TLE4: variants seen among roughly 807,000 people sequenced by gnomAD.
TLE4 encodes the protein TLE family member 4, transcriptional corepressor.
Under a neutral mutation model 92.8 loss-of-function variants are expected in TLE4, and 8 were observed. That is an observed-to-expected ratio of 0.09 (90% CI 0.05 to 0.16). The LOEUF is 0.16. TLE4 is among the 10% of genes least tolerant of loss of function. The pLI is 1.00. For missense variants in TLE4, 675 were observed against 997.6 expected (o/e 0.68, Z 4.36); for synonymous variants, 371 against 374.1 (o/e 0.99, Z 0.10).
At chr9:79,627,096 T>A (rs1176968526) in intron 5 of TLE4, among the ~76,000 whole-genome samples, 1 of 152,142 alleles carries the variant, frequency 6.6e-6, no homozygotes, top group Non-Finnish European at 1.5e-5. Flanking sequence ...AAGTGTACCA[T>A]AACTTTTAAG....
chr9:79,700,890 G>C (rs909138783), intron 8 of TLE4, among the ~76,000 whole-genome samples: 1 of 152,052 alleles, frequency 6.6e-6, no homozygotes, highest in South Asian at 2.1e-4. Context: ...TAGTGAGAAA[G>C]ACTTGTGTTT....
intron 4 of TLE4, among the ~76,000 whole-genome samples, chr9:79,582,207 A>C (rs1439189755): frequency 2.0e-5 from 3 of 152,186 alleles, no homozygotes; most frequent in African/African-American, 4.8e-5. Context: ...GCAGGAAATC[A>C]CACAACTCAG....
At chr9:79,722,722 A>G (rs1325921676) in intron 18 of TLE4, 121 bp downstream of exon 18, 1 of 1,225,804 alleles carries the variant, frequency 8.2e-7, no homozygotes, top group East Asian at 2.4e-5. Flanking sequence ...GAATTCTATT[A>G]CTTCCTGATA....
chr9:79,668,093 C>G lies in TLE4; in HGVS notation c.609+14018C>G, dbSNP rs111399590. On this transcript the variant is annotated intron_variant, in intron 8 of 19. Coordinates refer to ENST00000376552, the MANE Select transcript of TLE4 (RefSeq NM_007005.6). Reference sequence around the variant, plus strand: ...AAGCAACAAAGGAGAACAGCGTTTCCTCCTACAGAGGGTATACAGTGGTGG... The same window carrying G: ...AAGCAACAAAGGAGAACAGCGTTTCGTCCTACAGAGGGTATACAGTGGTGG... Among the ~76,000 whole-genome samples the G allele has an allele frequency of 1.5e-3, 227 of 152,356 alleles. 1 individual carries two copies. Among genetic ancestry groups the G allele is most frequent in the African/African-American group, 4.1e-3 (171 of 41,588 alleles).
At chr9:79,714,019 C>T (rs2136104214) in intron 14 of TLE4, among the ~76,000 whole-genome samples, 1 of 152,072 alleles carries the variant, frequency 6.6e-6, no homozygotes, top group South Asian at 2.1e-4. Flanking sequence ...ACATGCGCCA[C>T]CACACCTGGC....
Position 79,654,062 on chromosome 9 carries a change from G to A in TLE4, c.596G>A (p.Arg199Lys). The change falls in exon 8 of 20, where the codon AGA (arginine) becomes AAA (lysine). Residue 199 changes from arginine (R) to lysine (K), a missense_variant. Transcript: ENST00000376552. Reference sequence around the variant, plus strand: ...GTTGCTGCTGTTTTGCATATAGACAGAGACTCCATCAAGGTAGGACTCAAA... The same window carrying A: ...GTTGCTGCTGTTTTGCATATAGACAAAGACTCCATCAAGGTAGGACTCAAA... Reference protein sequence around the residue: ...KHHDNDHQRDRDSIKSSSVSP... With the variant: ...KHHDNDHQRDKDSIKSSSVSP... 1 of 1,613,750 alleles carries A rather than the reference G, an allele frequency of 6.2e-7. No homozygotes were observed.
chr9:79,575,864 T>TG, intron 3 of TLE4: 1 of 295,800 alleles, frequency 3.4e-6, no homozygotes, highest in East Asian at 5.0e-5. Context: ...TTGATGCATC[T>TG]GCTTGGGATG....
chr9:79,721,686 A>C, intron 16 of TLE4, 55 bp from the exon 17 acceptor site: 1 of 1,609,974 alleles, frequency 6.2e-7, no homozygotes, highest in Non-Finnish European at 8.5e-7. Flanking sequence ...TTCTAAATTG[A>C]TTTTAACTAA....
chr9:79,693,383 A>G (rs1330084951), intron 8 of TLE4, among the ~76,000 whole-genome samples: 2 of 152,164 alleles, frequency 1.3e-5, no homozygotes, highest in African/African-American at 2.4e-5. Flanking sequence ...GAGGAAGGTC[A>G]GTGGGTATCT....
intron 6 of TLE4, among the ~76,000 whole-genome samples, chr9:79,644,159 T>A (rs1405621344): frequency 6.6e-6 from 1 of 152,146 alleles, no homozygotes; most frequent in East Asian, 1.9e-4. Flanking sequence ...ATTCTTGTGA[T>A]ACTAAGTTCT....
At chr9:79,654,230 A>ATT (rs35639126) in intron 8 of TLE4, among the ~76,000 whole-genome samples, 155 bp downstream of exon 8, 236 of 131,240 alleles carry the variant, frequency 1.8e-3, no homozygotes, top group African/African-American at 5.0e-3. Flanking sequence ...TGTGTGGTTG[A>ATT]TTTTTTTTTT....
chr9:79,724,119 C>T (rs1231952899), intron 19 of TLE4, among the ~76,000 whole-genome samples: 4 of 151,572 alleles, frequency 2.6e-5, no homozygotes, highest in African/African-American at 9.7e-5. Context: ...ATTTGTGTCA[C>T]ATTTTTACAG....
chr9:79,615,514 G>A (rs1358303724), intron 5 of TLE4, among the ~76,000 whole-genome samples: 1 of 152,158 alleles, frequency 6.6e-6, no homozygotes, highest in Non-Finnish European at 1.5e-5. Context: ...GCTTTTTGGA[G>A]TTTGACAGGA....
chr9:79,655,195 C>T (rs1174751778), intron 8 of TLE4, among the ~76,000 whole-genome samples: 8 of 152,106 alleles, frequency 5.3e-5, no homozygotes, highest in African/African-American at 1.2e-4. Flanking sequence ...TTGTATTATG[C>T]GTAATTGTAT....
chr9:79,708,445 T>A, intron 12 of TLE4, 148 bp from the exon 13 acceptor site: 8 of 1,065,502 alleles, frequency 7.5e-6, no homozygotes, highest in Non-Finnish European at 1.1e-5. Context: ...ACAAAGTGAA[T>A]GAGTGAATTC....
At position 79,593,276 on chromosome 9, in the gene TLE4, G is replaced by T. The variant is rs373267129; in HGVS notation, c.252+17099G>T. 1.2e-4 allele frequency among the ~76,000 whole-genome samples: 19 copies of T among 152,092 alleles called. No individual in the cohort carries two copies. In the South Asian group the frequency reaches 3.1e-3, roughly 25 times the overall value. On this transcript the variant is annotated intron_variant, in intron 4 of 19. Transcript: ENST00000376552. ...TCTGTTTCAACTGTCAGAAACATAC[G>T]TTGCTTTATGGGATGTTTTTTTCAA...
intron 4 of TLE4, among the ~76,000 whole-genome samples, chr9:79,603,077 C>T (rs1039527386): frequency 1.1e-4 from 17 of 152,124 alleles, no homozygotes; most frequent in African/African-American, 4.1e-4. Context: ...TGAGGAGTTG[C>T]TGCTTATGGA....
chr9:79,718,716 C>T lies in TLE4; in HGVS notation c.1341-6C>T, dbSNP rs577644147. 5 of 1,610,166 alleles carry T rather than the reference C, an allele frequency of 3.1e-6. No homozygotes were observed. Among genetic ancestry groups the T allele is most frequent in the Middle Eastern group, 1.6e-4 (1 of 6,074 alleles). On this transcript the variant is annotated splice_region_variant and splice_polypyrimidine_tract_variant and intron_variant, in intron 14 of 19. Coordinates refer to ENST00000376552, the MANE Select transcript of TLE4 (RefSeq NM_007005.6). ...CCTCTTTCTTTTTTCCTCTCCATTG[C>T]CTTAGAGCATACTCCTTCCATGTTA...
chr9:79,723,057 A>G (rs1351839312), intron 19 of TLE4, 22 bp downstream of exon 19: 2 of 1,597,916 alleles, frequency 1.3e-6, no homozygotes, highest in Non-Finnish European at 1.7e-6. Context: ...CTTGTTAACT[A>G]CCACTTATGT....
Sources: gnomAD v4.1 joint callset for allele counts (sites outside exome capture counted in the v4.1 genomes callset) on GRCh38, gnomAD v4.1.1 for gene constraint, MANE v1.5 for transcripts, NCBI Gene and HGNC (gene_info 2026-07-23, HGNC 2026-07-21) for gene names.